The following CEP295 variants were observed in gnomAD, a reference collection of about 807,000 sequenced individuals.
CEP295 encodes centrosomal protein of 295 kDa.
In CEP295, 190 loss-of-function variants were observed where a neutral mutation model predicts 291.6. That is an observed-to-expected ratio of 0.65 (90% CI 0.58 to 0.73). The LOEUF is 0.73. Ranked by LOEUF, CEP295 falls within the 30% of genes least tolerant of loss-of-function variation. CEP295 has a pLI of 0.00. For synonymous variants in CEP295, 993 were observed against 1,038.8 expected, an observed-to-expected ratio of 0.96 and a Z score of 0.85; for missense variants, 2,863 against 2,949.4, an observed-to-expected ratio of 0.97 and a Z score of 0.68.
At chr11:93,726,877 G>A (rs1296336730) in intron 23 of CEP295, 99 bp from the exon 24 acceptor site, 4 of 889,878 alleles carry the variant, frequency 4.5e-6, no homozygotes, top group Non-Finnish European at 6.7e-6. Flanking sequence ...TAAAATTGTA[G>A]GTTACTTGCA....
At chr11:93,671,440 G>A (rs1397482563) in intron 5 of CEP295, among the ~76,000 whole-genome samples, 8 of 152,078 alleles carry the variant, frequency 5.3e-5, no homozygotes, top group African/African-American at 1.4e-4. Context: ...TGTTTCTTGC[G>A]TCCCCGTGAC....
At chr11:93,686,692 C>G (rs1187387877) in intron 9 of CEP295, among the ~76,000 whole-genome samples, 2 of 152,044 alleles carry the variant, frequency 1.3e-5, no homozygotes, top group African/African-American at 4.8e-5. Flanking sequence ...AATCTGTGAT[C>G]TTGGGGTTAA....
chr11:93,706,721 G>T (rs778239819), intron 17 of CEP295, 24 bp from the exon 18 acceptor site: 8 of 1,495,230 alleles, frequency 5.4e-6, no homozygotes, highest in Non-Finnish European at 7.1e-6. Context: ...AGAAATTGAA[G>T]TGGAAATATT....
chr11:93,686,235 C>G (rs1951230208), intron 9 of CEP295, among the ~76,000 whole-genome samples: 1 of 151,776 alleles, frequency 6.6e-6, no homozygotes, highest in Non-Finnish European at 1.5e-5. Context: ...AGGATAATCG[C>G]TTGAACCTGG....
Position 93,666,733 on chromosome 11 carries a change from A to C in CEP295, c.26A>C (p.His9Pro), listed in dbSNP as rs1443020611. ...ATGAAGAGAAAAGTCGTGAATACTC[A>C]CAAGCTGAGATTGAGTCCTAATGAG... MKRKVVNT[H>P]KLRLSPNEEA... The change falls in exon 2 of 30, where the codon CAC (histidine) becomes CCC (proline). Residue 9 changes from histidine to proline, a missense_variant. His to Pro is a moderately conservative substitution (Grantham distance 77). Around this residue, in one of 3 missense-constraint regions of CEP295, gnomAD observed 554 missense variants for 576.0 expected, o/e 0.96. Transcript: ENST00000325212. 1 of 1,544,310 alleles carries C rather than the reference A, an allele frequency of 6.5e-7. No individual in the cohort carries two copies. Among genetic ancestry groups the C allele is most frequent in the East Asian group, 2.4e-5 (1 of 40,842 alleles).
intron 7 of CEP295, among the ~76,000 whole-genome samples, chr11:93,683,203 T>C (rs561362582): frequency 6.6e-6 from 1 of 152,326 alleles, no homozygotes; most frequent in Admixed American, 6.5e-5. Context: ...GCAACTTATA[T>C]AGACATTAAC....
At chr11:93,726,412 G>A (rs1301660924) in intron 23 of CEP295, among the ~76,000 whole-genome samples, 1 of 152,214 alleles carries the variant, frequency 6.6e-6, no homozygotes, top group Admixed American at 6.5e-5. Context: ...GGGATTACAG[G>A]TGTGAGCCAC....
intron 5 of CEP295, among the ~76,000 whole-genome samples, chr11:93,671,393 G>A (rs1338856231): frequency 6.6e-6 from 1 of 151,658 alleles, no homozygotes; most frequent in East Asian, 1.9e-4. Context: ...ACTGATGTTC[G>A]TAATATCTGA....
intron 18 of CEP295, among the ~76,000 whole-genome samples, chr11:93,708,042 A>T (rs1358669317): frequency 6.6e-6 from 1 of 152,088 alleles, no homozygotes; most frequent in East Asian, 1.9e-4. Flanking sequence ...TTTAATTTTT[A>T]ATTTTTGTGG....
Position 93,721,380 on chromosome 11 carries a change from T to C in CEP295, c.5818T>C (p.Tyr1940His). The change falls in exon 19 of 30, where the codon TAT becomes CAT. Residue 1940 changes from tyrosine to histidine, a missense_variant. Transcript: ENST00000325212. ...TTATGCTGTGGAGGAAGAACATGCA[T>C]ATTTGGGTCCAACTGTGAAGCCAGA... ...LSYAVEEEHAYLGPTVKPDDK... is the reference protein window; with the variant it reads ...LSYAVEEEHAHLGPTVKPDDK... 6.3e-7 allele frequency: 1 copy of C among 1,582,506 alleles called. No individual in the cohort carries two copies. Among genetic ancestry groups the C allele is most frequent in the Non-Finnish European group, 8.6e-7 (1 of 1,161,520 alleles).
chr11:93,698,981 C>A lies in CEP295; in HGVS notation c.4069C>A (p.Gln1357Lys). The A allele has an allele frequency of 6.5e-7, 1 of 1,550,242 alleles. No individual in the cohort carries two copies. Reference sequence around the variant, plus strand: ...AGATAATTTGAAGGCACTTCAAGAACAGTTAGCTACACAGAGAGAAGCCAT... The same window carrying A: ...AGATAATTTGAAGGCACTTCAAGAAAAGTTAGCTACACAGAGAGAAGCCAT... The part of the protein sequence containing the change: ...QQDNLKALQE[Q>K]LATQREAIIL... Residue 1357 changes from glutamine to lysine, a missense_variant, in exon 15 of 30, where the codon CAG (glutamine) becomes AAG (lysine). By Grantham distance (53) the Gln-to-Lys change is moderately conservative. Around this residue, in one of 3 missense-constraint regions of CEP295, gnomAD observed 2,295 missense variants for 2,335.7 expected, o/e 0.98. Coordinates refer to ENST00000325212, the MANE Select transcript of CEP295 (RefSeq NM_033395.2).
intron 12 of CEP295, among the ~76,000 whole-genome samples, chr11:93,692,598 C>T (rs1022690016): frequency 2.6e-5 from 4 of 152,090 alleles, no homozygotes; most frequent in African/African-American, 9.7e-5. Flanking sequence ...GCTAGGACTA[C>T]AGGTATAGGC....
intron 22 of CEP295, 109 bp from the exon 23 acceptor site, chr11:93,725,542 T>C: frequency 2.3e-6 from 2 of 871,300 alleles, no homozygotes; most frequent in Admixed American, 3.4e-5. Context: ...ATTGCTGTCA[T>C]AGTGAAGTGA....
chr11:93,697,188 CT>C lies in CEP295; in HGVS notation c.2280del (p.Gln761LysfsTer3). 1 of 1,551,840 alleles carries C rather than the reference CT, an allele frequency of 6.4e-7. No homozygotes were observed. The highest frequency in any genetic ancestry group is 8.7e-7 in the Non-Finnish European group (1 of 1,147,036). On this transcript the variant is annotated frameshift_variant, in exon 15 of 30. Coordinates refer to ENST00000325212, the MANE Select transcript of CEP295 (RefSeq NM_033395.2). LOFTEE classifies it high-confidence loss of function. ...ATATCTGAAACATTTGGGGCAACAA[CT>C]TTTCAAAGTTTAGAATCCCAACAAT... ...RKISETFGAT[T>X]FQSLESQQLF... is the part of the protein sequence containing the mutation.
intron 9 of CEP295, among the ~76,000 whole-genome samples, chr11:93,685,539 A>C (rs1223877116): frequency 6.8e-6 from 1 of 147,660 alleles, no homozygotes; most frequent in African/African-American, 2.7e-5. Flanking sequence ...GCAACTGGGG[A>C]AAAAAAAGCA....
chr11:93,700,244 T>G, intron 15 of CEP295, 58 bp downstream of exon 15: 1 of 1,363,640 alleles, frequency 7.3e-7, no homozygotes, highest in African/African-American at 1.5e-5. Flanking sequence ...AAATCAGTTT[T>G]TAATACTAGG....
At chr11:93,724,464 C>T in intron 22 of CEP295, 89 bp downstream of exon 22, 1 of 1,289,628 alleles carries the variant, frequency 7.8e-7, no homozygotes, top group Non-Finnish European at 1.1e-6. Context: ...CTTCTAAACC[C>T]TTACCTAGAA....
Position 93,698,731 on chromosome 11 carries a change from C to G in CEP295, c.3819C>G (p.Phe1273Leu). ...WLDTEKEAFH[F>L]SQKTQENTSS... ...ACACTGAGAAAGAAGCCTTTCATTT[C>G]AGCCAGAAAACCCAAGAAAATACAT... Residue 1273 changes from phenylalanine (F) to leucine (L), a missense_variant, in exon 15 of 30, where the codon TTC becomes TTG. Transcript: ENST00000325212. 1 of 1,551,586 alleles carries G rather than the reference C, an allele frequency of 6.4e-7. No homozygotes were observed. The highest frequency in any genetic ancestry group is 8.7e-7 in the Non-Finnish European group (1 of 1,147,016).
Position 93,691,683 on chromosome 11 carries a change from T to C in CEP295, c.1337T>C (p.Val446Ala). 4.0e-6 allele frequency: 6 copies of C among 1,516,222 alleles called. No individual in the cohort carries two copies. The highest frequency in any genetic ancestry group is 5.4e-6 in the Non-Finnish European group (6 of 1,121,148). 93.9% of individuals were successfully genotyped at this position (1,516,222 alleles called of 1,614,324 possible). A position where few individuals can be genotyped will look rare whatever the true frequency, so the allele number is the denominator to read the frequency against. Residue 446 changes from valine to alanine, a missense_variant and splice_region_variant, in exon 11 of 30, where the codon GTT (valine) becomes GCT (alanine). Around this residue, in one of 3 missense-constraint regions of CEP295, gnomAD observed 554 missense variants for 576.0 expected, o/e 0.96. Coordinates refer to ENST00000325212, the MANE Select transcript of CEP295 (RefSeq NM_033395.2). Reference protein sequence around the residue: ...ERTLSSGQEQVVESDTLTIES... With the variant: ...ERTLSSGQEQAVESDTLTIES... The stretch of plus-strand genomic sequence containing the variant: ...ATAACAGTGGTATTATCTATTACAG[T>C]TGTTGAAAGTGATACACTAACAATT...
Sources: allele counts gnomAD v4.1 joint callset (sites outside exome capture counted in the v4.1 genomes callset), GRCh38; gene constraint gnomAD v4.1.1; regional missense constraint gnomAD v4.1.1; transcripts MANE v1.5; gene names NCBI Gene and HGNC (gene_info 2026-07-23, HGNC 2026-07-21).